Variants in UFM1 observed in about 807,000 individuals in gnomAD.
UFM1 encodes the protein ubiquitin fold modifier 1.
In UFM1, 9 loss-of-function variants were observed where a neutral mutation model predicts 15.4. The observed-to-expected ratio is 0.59, with a 90% CI of 0.35 to 1.02. The LOEUF (loss-of-function observed/expected upper bound fraction) is 1.02. Ranked by LOEUF, UFM1 falls within the 50% of genes least tolerant of loss-of-function variation. The pLI is 0.02. For missense variants in UFM1, 98 were observed against 104.7 expected, an observed-to-expected ratio of 0.94 and a Z score of 0.28; for synonymous variants, 27 against 36.3, an observed-to-expected ratio of 0.74 and a Z score of 0.92.
At chr13:38,360,126 A>G (rs1879303818) in intron 5 of UFM1, 1 of 321,264 alleles carries the variant, frequency 3.1e-6, no homozygotes, top group Non-Finnish European at 6.1e-6. Context: ...TTAATATATA[A>G]TTTTATTAAA....
chr13:38,350,274 A>G (rs753905959), intron 2 of UFM1: 115 of 1,550,554 alleles, frequency 7.4e-5, no homozygotes, highest in Non-Finnish European at 9.7e-5. Flanking sequence ...TGGCCCCGTC[A>G]CGAGGGTGTG....
At chr13:38,359,464 C>A in intron 5 of UFM1, 131 bp downstream of exon 5, 1 of 878,284 alleles carries the variant, frequency 1.1e-6, no homozygotes, top group Non-Finnish European at 1.8e-6. Flanking sequence ...GATTATATAC[C>A]AGTCTTTACC....
intron 5 of UFM1, 175 bp downstream of exon 5, chr13:38,359,508 A>G: frequency 3.6e-6 from 2 of 551,446 alleles, no homozygotes; most frequent in Non-Finnish European, 6.2e-6. Flanking sequence ...TTCATTGTGT[A>G]TATTGATTGT....
intron 5 of UFM1, 120 bp downstream of exon 5, chr13:38,359,453 G>T: frequency 9.4e-7 from 1 of 1,067,050 alleles, no homozygotes; most frequent in Non-Finnish European, 1.4e-6. Context: ...TGTTTTTTAG[G>T]GATTATATAC....
Position 38,350,022 on chromosome 13 carries a change from C to T in UFM1, c.26C>T (p.Thr9Met). 6.2e-7 allele frequency: 1 copy of T among 1,614,228 alleles called. No homozygotes were observed. The highest frequency in any genetic ancestry group is 8.5e-7 in the Non-Finnish European group (1 of 1,180,042). ...AGGTCGAAGGTTTCCTTTAAGATCA[C>T]GCTGACGTCGGACCCACGGCTGCCG... is the stretch of plus-strand genomic sequence containing the variant. MSKVSFKI[T>M]LTSDPRLPYK... is the part of the protein sequence containing the mutation. The change falls in exon 2 of 6, where the codon ACG becomes ATG. Residue 9 changes from threonine (T) to methionine (M), a missense_variant. Physicochemically the swap from Thr to Met is moderately conservative, Grantham distance 81. Transcript: ENST00000239878.
intron 3 of UFM1, among the ~76,000 whole-genome samples, chr13:38,357,661 G>A (rs1422432144): frequency 6.6e-6 from 1 of 151,750 alleles, no homozygotes; most frequent in African/African-American, 2.4e-5. Flanking sequence ...ACTGTTGACT[G>A]GAAGCCTTAC....
chr13:38,359,165 C>T (rs1225294456), intron 4 of UFM1, 136 bp from the exon 5 acceptor site: 7 of 616,262 alleles, frequency 1.1e-5, no homozygotes, highest in East Asian at 5.6e-5. Flanking sequence ...GATTGTCACT[C>T]GTGTTCTTGG....
At chr13:38,352,075 A>G (rs1345342813) in intron 2 of UFM1, among the ~76,000 whole-genome samples, 1 of 146,710 alleles carries the variant, frequency 6.8e-6, no homozygotes, top group African/African-American at 2.5e-5. Context: ...TCTCACCTCT[A>G]TGAAGTTTGT....
rs1393016100 is a variant in UFM1 at position 38,363,128 on chromosome 13, T to C, written c.*2350T>C. 2 of 152,208 alleles carry C rather than the reference T, an allele frequency of 1.3e-5. No homozygotes were observed. Among genetic ancestry groups the C allele is most frequent in the African/African-American group, 4.8e-5 (2 of 41,462 alleles). The allele number at this position is 152,208 out of a possible 1,614,324, so 9.4% of individuals were successfully genotyped here. On this transcript the variant is annotated 3_prime_UTR_variant, in exon 6 of 6. Coordinates refer to ENST00000239878, the MANE Select transcript of UFM1 (RefSeq NM_016617.4). ...TGACCATAAGTCAGAGAAATTAGTTTATAGTCATCTGCCACAGACATAGTA... is the reference window on the plus strand; with the variant it reads ...TGACCATAAGTCAGAGAAATTAGTTCATAGTCATCTGCCACAGACATAGTA...
chr13:38,354,346 G>A, intron 3 of UFM1, 50 bp downstream of exon 3: 10 of 1,533,766 alleles, frequency 6.5e-6, no homozygotes, highest in Non-Finnish European at 9.0e-6. Flanking sequence ...TTGCCAATAT[G>A]CTTCAAATGT....
At chr13:38,350,556 C>G (rs1215007045) in intron 2 of UFM1, among the ~76,000 whole-genome samples, 2 of 152,136 alleles carry the variant, frequency 1.3e-5, no homozygotes, top group African/African-American at 4.8e-5. Flanking sequence ...AGCAGTCGGG[C>G]ATCACAAAGT....
chr13:38,355,051 G>A (rs1368561447), intron 3 of UFM1, among the ~76,000 whole-genome samples: 1 of 151,946 alleles, frequency 6.6e-6, no homozygotes, highest in Non-Finnish European at 1.5e-5. Flanking sequence ...ATTTTCTGTT[G>A]AAGTTAAAAG....
chr13:38,358,707 G>C (rs1336377017), intron 4 of UFM1, among the ~76,000 whole-genome samples: 1 of 152,024 alleles, frequency 6.6e-6, no homozygotes, highest in African/African-American at 2.4e-5. Flanking sequence ...GATGAGTGCT[G>C]ATGCGTTGCC....
At chr13:38,358,338 G>A (rs1368852635) in intron 4 of UFM1, among the ~76,000 whole-genome samples, 3 of 151,168 alleles carry the variant, frequency 2.0e-5, no homozygotes, top group Admixed American at 1.3e-4. Context: ...ATATAGTATA[G>A]CACTTTATAA....
At chr13:38,352,102 C>CTTTTTT (rs35879418) in intron 2 of UFM1, among the ~76,000 whole-genome samples, 12 of 105,344 alleles carry the variant, frequency 1.1e-4, no homozygotes, top group South Asian at 6.0e-4. Flanking sequence ...TTCTTTCTTT[C>CTTTTTT]TTTTTTTTTT....
In UFM1 at chr13:38,361,505, G is replaced by A. The variant is rs1458889553; in HGVS notation, c.*727G>A. 1 of 152,052 alleles carries A rather than the reference G, an allele frequency of 6.6e-6. No individual in the cohort carries two copies. The highest frequency in any genetic ancestry group is 2.4e-5 in the African/African-American group (1 of 41,420). The allele number at this position is 152,052 out of a possible 1,614,324, so 9.4% of individuals were successfully genotyped here. On this transcript the variant is annotated 3_prime_UTR_variant, in exon 6 of 6. Transcript: ENST00000239878. ...ATACATTCCTTTATCAATCTCTTTT[G>A]ATACAACATTTAAAACAAGTAGCTT...
chr13:38,357,515 T>G (rs931641501), intron 3 of UFM1, among the ~76,000 whole-genome samples: 18 of 119,538 alleles, frequency 1.5e-4, no homozygotes, highest in African/African-American at 1.0e-3. Context: ...AATACAGGGT[T>G]TTTTTTTTAC....
intron 3 of UFM1, among the ~76,000 whole-genome samples, chr13:38,357,674 A>G (rs952477288): frequency 2.6e-5 from 4 of 152,016 alleles, no homozygotes; most frequent in East Asian, 3.8e-4. Flanking sequence ...AGCCTTACTG[A>G]TAACACAGAC....
intron 4 of UFM1, 26 bp from the exon 5 acceptor site, chr13:38,359,275 A>G (rs1449666217): frequency 1.2e-6 from 2 of 1,603,426 alleles, no homozygotes; most frequent in East Asian, 2.2e-5. Flanking sequence ...GAAATAATGT[A>G]TGTGATTTTA....
Sources: allele counts gnomAD v4.1 joint callset (sites outside exome capture counted in the v4.1 genomes callset), GRCh38; gene constraint gnomAD v4.1.1; transcripts MANE v1.5; gene names NCBI Gene and HGNC (gene_info 2026-07-23, HGNC 2026-07-21).